ZNF329: variants seen among roughly 807,000 people sequenced by gnomAD.
ZNF329 encodes zinc finger protein 329.
Under a neutral mutation model 26.6 loss-of-function variants are expected in ZNF329, and 15 were observed. The ratio of observed to expected loss-of-function variants is 0.56; its 90% CI spans 0.38 to 0.87. ZNF329 has a LOEUF of 0.87. Among genes scored for constraint, ZNF329 ranks in the 40% least tolerant of loss-of-function variants. The pLI is 0.00. For missense variants in ZNF329, 651 were observed against 651.9 expected (o/e 1.00, Z 0.02); for synonymous variants, 239 against 233.5 (o/e 1.02, Z -0.21).
upstream of ZNF329, among the ~76,000 whole-genome samples, chr19:58,151,352 G>C (rs761026315): frequency 6.6e-5 from 10 of 152,118 alleles, no homozygotes; most frequent in Non-Finnish European, 1.0e-4. Flanking sequence ...GGAGCAATAG[G>C]GGGTGGTTAA....
At position 58,126,980 on chromosome 19, in the gene ZNF329, C is replaced by T. The variant is rs1474699710; in HGVS notation, c.*898G>A. On this transcript the variant is annotated 3_prime_UTR_variant, in exon 4 of 4. Transcript: ENST00000598312. ...CTTGTTTCAGTCTTAAGAGGAACGA[C>T]TTCATTGTTCATTCACAGGTAATTT... 1 of 152,176 alleles carries T rather than the reference C, an allele frequency of 6.6e-6. No individual in the cohort carries two copies. Among genetic ancestry groups the T allele is most frequent in the Non-Finnish European group, 1.5e-5 (1 of 68,046 alleles). 9.4% of individuals were successfully genotyped at this position (152,176 alleles called of 1,614,324 possible).
chr19:58,138,167 A>C (rs2075113217), intron 3 of ZNF329, among the ~76,000 whole-genome samples: 1 of 152,170 alleles, frequency 6.6e-6, no homozygotes, highest in South Asian at 2.1e-4. Flanking sequence ...TTAAAGTAGA[A>C]GACAGCGCCC....
At chr19:58,147,651 C>T (rs1180664038) in intron 1 of ZNF329, among the ~76,000 whole-genome samples, 1 of 145,280 alleles carries the variant, frequency 6.9e-6, no homozygotes, top group African/African-American at 2.7e-5. Flanking sequence ...GGTGGGGGGC[C>T]AGCCCCCCGC....
intron 1 of ZNF329, among the ~76,000 whole-genome samples, chr19:58,148,570 T>G (rs2075379410): frequency 6.6e-6 from 1 of 152,122 alleles, no homozygotes; most frequent in African/African-American, 2.4e-5. Flanking sequence ...ATGTTCTTTT[T>G]GGCTGGGTGT....
In ZNF329 at chr19:58,127,613, T is replaced by C. The variant is rs544192767; in HGVS notation, c.*265A>G. 21 of 378,798 alleles carry C rather than the reference T, an allele frequency of 5.5e-5. No individual in the cohort carries two copies. Among genetic ancestry groups the C allele is most frequent in the African/African-American group, 2.0e-4 (10 of 49,166 alleles). 23.5% of individuals were successfully genotyped at this position (378,798 alleles called of 1,614,324 possible). On this transcript the variant is annotated 3_prime_UTR_variant, in exon 4 of 4. Coordinates refer to ENST00000598312, the MANE Select transcript of ZNF329 (RefSeq NM_024620.4). ...CTCTCTGTGGTGTCACCCCCATGTT[T>C]GCACATTTCATTCCAGTGTGTGTGT...
In ZNF329 at chr19:58,128,374, C is replaced by G. The variant is rs560918945; in HGVS notation, c.1130G>C (p.Gly377Ala). The G allele has an allele frequency of 6.2e-7, 1 of 1,614,076 alleles. No homozygotes were observed. Among genetic ancestry groups the G allele is most frequent in the South Asian group, 1.1e-5 (1 of 91,062 alleles). The change falls in exon 4 of 4, where the codon GGG becomes GCG. Residue 377 changes from glycine (G) to alanine (A), a missense_variant. Gly to Ala is a moderately conservative substitution (Grantham distance 60). Transcript: ENST00000598312. ...GEKPFECAECGKSFNRNSHLI... is the reference protein window; with the variant it reads ...GEKPFECAECAKSFNRNSHLI... Reference sequence around the variant, plus strand: ...GTGAGAGTTTCTGTTGAAGGATTTCCCGCACTCTGCACACTCAAAGGGCTT... The same window carrying G: ...GTGAGAGTTTCTGTTGAAGGATTTCGCGCACTCTGCACACTCAAAGGGCTT...
At chr19:58,141,265 G>C (rs1290634422) in intron 3 of ZNF329, among the ~76,000 whole-genome samples, 1 of 151,796 alleles carries the variant, frequency 6.6e-6, no homozygotes, top group Non-Finnish European at 1.5e-5. Context: ...CAAAGTGCTG[G>C]GATTACAGTT....
intron 3 of ZNF329, chr19:58,136,874 G>T (rs76729059): frequency 1.2e-5 from 2 of 172,024 alleles, no homozygotes; most frequent in African/African-American, 2.4e-5. Flanking sequence ...TGTGGGTAAC[G>T]CATGGTGCCC....
At chr19:58,141,992 C>G (rs144997177) in intron 3 of ZNF329, among the ~76,000 whole-genome samples, 2 of 152,004 alleles carry the variant, frequency 1.3e-5, no homozygotes, top group Non-Finnish European at 2.9e-5. Context: ...ACCTGGGAAG[C>G]AGTTTGCAGT....
intron 3 of ZNF329, among the ~76,000 whole-genome samples, chr19:58,134,793 G>A (rs2075027153): frequency 6.6e-6 from 1 of 152,134 alleles, no homozygotes; most frequent in Non-Finnish European, 1.5e-5. Context: ...AAATTAGCGA[G>A]GCATGGTGGC....
intron 3 of ZNF329, among the ~76,000 whole-genome samples, chr19:58,135,152 G>A (rs182836383): frequency 1.3e-5 from 2 of 152,032 alleles, no homozygotes; most frequent in Non-Finnish European, 2.9e-5. Flanking sequence ...TCAGTATGTT[G>A]CCCAGGCTGG....
intron 3 of ZNF329, among the ~76,000 whole-genome samples, chr19:58,139,148 C>T (rs370501624): frequency 2.0e-5 from 3 of 151,852 alleles, no homozygotes; most frequent in African/African-American, 7.3e-5. Context: ...GAGGCTAACT[C>T]GCCTTGAGGA....
In ZNF329 at chr19:58,128,530, G is replaced by A; in HGVS notation, c.974C>T (p.Thr325Ile). The A allele has an allele frequency of 6.2e-6, 10 of 1,614,138 alleles. No individual in the cohort carries two copies. The highest frequency in any genetic ancestry group is 1.1e-5 in the South Asian group (1 of 91,082). ...YRCNECGKPF[T>I]DISHLTVHLR... ...ATGCACTGTAAGGTGGGAGATGTCA[G>A]TGAAGGGTTTCCCACATTCGTTACA... The change falls in exon 4 of 4, where the codon ACT becomes ATT. Residue 325 changes from threonine (T) to isoleucine (I), a missense_variant. By Grantham distance (89) the Thr-to-Ile change is moderately conservative. Transcript: ENST00000598312.
chr19:58,131,043 C>T lies in ZNF329; in HGVS notation c.-8-1532G>A, dbSNP rs373023817. On this transcript the variant is annotated intron_variant, in intron 3 of 3. Coordinates refer to ENST00000598312, the MANE Select transcript of ZNF329 (RefSeq NM_024620.4). ...TTTTTAAGGTAAAATGAAAATAGAC[C>T]CTTGCCTCAGAATACATACATACAT... is the stretch of plus-strand genomic sequence containing the variant. Among the ~76,000 whole-genome samples, 153 of 152,040 alleles carry T rather than the reference C, an allele frequency of 1.0e-3. 3 individuals are homozygous for T. In the South Asian group the frequency reaches 0.03, roughly 30 times the overall value.
At chr19:58,141,092 G>C (rs1336317764) in intron 3 of ZNF329, among the ~76,000 whole-genome samples, 2 of 151,896 alleles carry the variant, frequency 1.3e-5, no homozygotes, top group Non-Finnish European at 2.9e-5. Context: ...CTAACCTCAA[G>C]GGATCTGCAT....
intron 3 of ZNF329, among the ~76,000 whole-genome samples, chr19:58,138,895 G>A (rs147875559): frequency 0.015 from 2,342 of 151,978 alleles, 48 homozygotes; most frequent in African/African-American, 0.052. Flanking sequence ...TACTCGGGAG[G>A]CTGAGGCACA....
chr19:58,147,008 G>A (rs1438124347), intron 1 of ZNF329, among the ~76,000 whole-genome samples: 21 of 152,196 alleles, frequency 1.4e-4, no homozygotes, highest in South Asian at 6.2e-4. Context: ...CTGCCTGGCC[G>A]CCCATCATCT....
At chr19:58,153,270 C>T (rs548594246), upstream of ZNF329, among the ~76,000 whole-genome samples, 3 of 152,192 alleles carry the variant, frequency 2.0e-5, no homozygotes, top group East Asian at 1.9e-4. Flanking sequence ...CCACCACACC[C>T]GGCTAATTTT....
At chr19:58,141,529 A>C (rs1460340746) in intron 3 of ZNF329, among the ~76,000 whole-genome samples, 1 of 152,000 alleles carries the variant, frequency 6.6e-6, no homozygotes, top group African/African-American at 2.4e-5. Flanking sequence ...TCCTGACCTA[A>C]GGTGATCAGC....
Sources: gnomAD v4.1 joint callset for allele counts (sites outside exome capture counted in the v4.1 genomes callset) on GRCh38, gnomAD v4.1.1 for gene constraint, MANE v1.5 for transcripts, NCBI Gene and HGNC (gene_info 2026-07-23, HGNC 2026-07-21) for gene names.